The following GRID1 variants were observed in gnomAD, a reference collection of about 807,000 sequenced individuals.
GRID1 encodes the protein glutamate receptor ionotropic, delta-1.
GRID1 carries 28 observed loss-of-function variants against 98.0 expected under a neutral mutation model. The observed-to-expected ratio is 0.29, with a 90% confidence interval of 0.21 to 0.39. The LOEUF (loss-of-function observed/expected upper bound fraction) is 0.39, where lower values mean the gene tolerates loss of function less well. Ranked by LOEUF, GRID1 falls within the 10% of genes least tolerant of loss-of-function variation. The pLI is 1.00. For synonymous variants in GRID1, 553 were observed against 538.5 expected (o/e 1.03, Z -0.37); for missense variants, 1,111 against 1,340.5 (o/e 0.83, Z 2.67).
chr10:85,797,574 C>T (rs1842536616), intron 8 of GRID1, among the ~76,000 whole-genome samples: 1 of 151,688 alleles, frequency 6.6e-6, no homozygotes. Flanking sequence ...GGATTACAGG[C>T]ATATGCCACC....
intron 6 of GRID1, among the ~76,000 whole-genome samples, chr10:85,856,521 G>A (rs1203630653): frequency 1.3e-5 from 2 of 152,212 alleles, no homozygotes; most frequent in African/African-American, 2.4e-5. Flanking sequence ...AGGATAAGCA[G>A]AAAGCTCAGC....
In GRID1 at chr10:85,723,128, G is replaced by A. The variant is rs780416210; in HGVS notation, c.1872C>T (p.Ser624=). The part of the protein sequence containing the change: ...GAFVQQGGES[S]VNSMAMRIVM... ...CGATGCGCATGGCCATGGAGTTCACGGAAGATTCGCCACCTGCGGGAGGCA... is the reference window on the plus strand; with the variant it reads ...CGATGCGCATGGCCATGGAGTTCACAGAAGATTCGCCACCTGCGGGAGGCA... The change falls in exon 12 of 16, where the codon TCC becomes TCT. Residue 624 remains serine, a synonymous_variant. Coordinates refer to ENST00000327946, the MANE Select transcript of GRID1 (RefSeq NM_017551.3). The A allele has an allele frequency of 1.7e-5, 27 of 1,607,770 alleles. No individual in the cohort carries two copies. Among genetic ancestry groups the A allele is most frequent in the East Asian group, 6.7e-5 (3 of 44,610 alleles).
At chr10:86,014,015 T>C (rs1842950760) in intron 4 of GRID1, among the ~76,000 whole-genome samples, 1 of 152,158 alleles carries the variant, frequency 6.6e-6, no homozygotes, top group Non-Finnish European at 1.5e-5. Context: ...ACAGATGCCA[T>C]ATTTGGGTGT....
At chr10:85,986,495 T>C (rs1176112614) in intron 4 of GRID1, among the ~76,000 whole-genome samples, 1 of 152,118 alleles carries the variant, frequency 6.6e-6, no homozygotes, top group African/African-American at 2.4e-5. Context: ...GGGAAGAGCA[T>C]CACGTAACAA....
chr10:85,705,369 A>G (rs79891066), intron 12 of GRID1, among the ~76,000 whole-genome samples: 15,897 of 152,258 alleles, frequency 0.1, 1,117 homozygotes, highest in Non-Finnish European at 0.15. Context: ...AGAAATGGAT[A>G]AATTCCTCGA....
intron 2 of GRID1, among the ~76,000 whole-genome samples, chr10:86,212,321 G>A (rs1846118642): frequency 6.6e-6 from 1 of 152,192 alleles, no homozygotes; most frequent in South Asian, 2.1e-4. Context: ...CAACTCTGAG[G>A]TCCCAAGCCC....
At chr10:85,843,834 A>C (rs1842982207) in intron 8 of GRID1, among the ~76,000 whole-genome samples, 1 of 152,088 alleles carries the variant, frequency 6.6e-6, no homozygotes, top group Non-Finnish European at 1.5e-5. Context: ...TTCATGGCTG[A>C]AGTATAAAAT....
rs541640212 is a variant in GRID1 at position 85,916,923 on chromosome 10, T to C, written c.727-684A>G. 8.5e-4 allele frequency among the ~76,000 whole-genome samples: 129 copies of C among 152,264 alleles called. No individual in the cohort carries two copies. The highest frequency in any genetic ancestry group is 1.5e-3 in the Non-Finnish European group (101 of 68,052). On this transcript the variant is annotated intron_variant, in intron 4 of 15. Transcript: ENST00000327946. The surrounding 1 kb of genome is among the most constrained non-coding windows in gnomAD (Gnocchi z 4.0). ...TTATTGTCTATCTCCTCTGCCATTA[T>C]GTCAAAGGCCATATCTCCTAGGTCA...
At chr10:86,295,542 G>A (rs1332394723) in intron 2 of GRID1, among the ~76,000 whole-genome samples, 1 of 152,226 alleles carries the variant, frequency 6.6e-6, no homozygotes, top group Admixed American at 6.5e-5. Flanking sequence ...GCTCGGGGCT[G>A]TGGCCAGCAT....
At chr10:86,020,906 A>T (rs1157593617) in intron 4 of GRID1, among the ~76,000 whole-genome samples, 1 of 152,134 alleles carries the variant, frequency 6.6e-6, no homozygotes, top group Non-Finnish European at 1.5e-5. Context: ...AAGTACAAAA[A>T]CCCTAAGACT....
chr10:85,753,530 C>A (rs527486679), intron 8 of GRID1, among the ~76,000 whole-genome samples: 17 of 152,332 alleles, frequency 1.1e-4, no homozygotes, highest in African/African-American at 3.1e-4. Flanking sequence ...ACACTAAAAC[C>A]AAAGGGTCTT....
intron 13 of GRID1, among the ~76,000 whole-genome samples, chr10:85,621,659 TC>T (rs1387150894): frequency 1.3e-5 from 2 of 152,070 alleles, no homozygotes; most frequent in African/African-American, 4.8e-5. Context: ...CGAGGAGCAA[TC>T]CAAATATTAC....
At chr10:86,219,540 C>G (rs929962230) in intron 2 of GRID1, among the ~76,000 whole-genome samples, 1 of 152,194 alleles carries the variant, frequency 6.6e-6, no homozygotes, top group African/African-American at 2.4e-5. Context: ...AGGGGCAGCA[C>G]CCCCGCTCCC....
At chr10:85,695,249 A>G (rs978618606) in intron 12 of GRID1, among the ~76,000 whole-genome samples, 9 of 152,188 alleles carry the variant, frequency 5.9e-5, no homozygotes, top group Non-Finnish European at 1.3e-4. Flanking sequence ...CTCAGCGTCT[A>G]CTGCAGAAGG....
chr10:86,052,527 T>C (rs1231634793), intron 4 of GRID1: 1 of 152,138 alleles, frequency 6.6e-6, no homozygotes, highest in African/African-American at 2.4e-5. Flanking sequence ...GGTTAGTACT[T>C]GAATGGGAGA....
chr10:85,732,446 T>A (rs1487409075), intron 8 of GRID1, among the ~76,000 whole-genome samples: 1 of 152,206 alleles, frequency 6.6e-6, no homozygotes, highest in African/African-American at 2.4e-5. Context: ...GTGTTTGGAA[T>A]GGAGCTCTGT....
At chr10:86,253,811 G>A (rs1444546631) in intron 2 of GRID1, among the ~76,000 whole-genome samples, 1 of 152,026 alleles carries the variant, frequency 6.6e-6, no homozygotes, top group South Asian at 2.1e-4. Flanking sequence ...CTTCCCTCAC[G>A]ATCCATGACA....
chr10:86,128,657 T>C (rs568612271), intron 4 of GRID1, among the ~76,000 whole-genome samples: 270 of 152,230 alleles, frequency 1.8e-3, no homozygotes, highest in Middle Eastern at 6.8e-3. Context: ...CTCTCCTAGG[T>C]CCACCGACCT....
At chr10:86,209,741 G>A (rs1239245635) in intron 2 of GRID1, among the ~76,000 whole-genome samples, 1 of 152,078 alleles carries the variant, frequency 6.6e-6, no homozygotes, top group Non-Finnish European at 1.5e-5. Flanking sequence ...GCTCAATTGT[G>A]GAATTGTCCC....
Sources: allele counts gnomAD v4.1 joint callset (sites outside exome capture counted in the v4.1 genomes callset), GRCh38; gene constraint gnomAD v4.1.1; non-coding constraint Gnocchi (gnomAD v3.1); transcripts MANE v1.5; gene names NCBI Gene and HGNC (gene_info 2026-07-23, HGNC 2026-07-21).